The following CACNA2D3 variants were observed in gnomAD, a reference collection of about 807,000 sequenced individuals.
CACNA2D3 encodes voltage-dependent calcium channel subunit alpha-2/delta-3.
CACNA2D3 carries 60 observed loss-of-function variants against 160.6 expected under a neutral mutation model. The observed-to-expected ratio is 0.37, with a 90% CI of 0.30 to 0.46. The LOEUF is 0.46. CACNA2D3 is among the 20% of genes least tolerant of loss of function. The probability of loss-of-function intolerance (pLI) is 1.00; values close to 1 mark genes in which losing one functional copy is unlikely to be tolerated. For synonymous variants in CACNA2D3, 558 were observed against 492.9 expected, an observed-to-expected ratio of 1.13 and a Z score of -1.75; for missense variants, 1,205 against 1,365.0, an observed-to-expected ratio of 0.88 and a Z score of 1.85.
chr3:54,513,893 G>A (rs765500195), intron 5 of CACNA2D3, among the ~76,000 whole-genome samples: 8 of 152,024 alleles, frequency 5.3e-5, no homozygotes, highest in Admixed American at 1.3e-4. Context: ...GGCTGGCCTC[G>A]AACTCCTGAC....
intron 13 of CACNA2D3, among the ~76,000 whole-genome samples, chr3:54,767,219 G>A (rs1702241757): frequency 6.6e-6 from 1 of 152,038 alleles, no homozygotes; most frequent in Non-Finnish European, 1.5e-5. Flanking sequence ...AGAACAAAAT[G>A]AATCCAATAA....
intron 27 of CACNA2D3, among the ~76,000 whole-genome samples, chr3:54,937,315 G>T (rs1213178710): frequency 6.6e-6 from 1 of 152,160 alleles, no homozygotes; most frequent in African/African-American, 2.4e-5. Flanking sequence ...GGCCACTACA[G>T]TGTAGAAAGG....
intron 11 of CACNA2D3, among the ~76,000 whole-genome samples, chr3:54,717,552 TGTG>T (rs1479312751): frequency 2.7e-4 from 2 of 7,344 alleles, no homozygotes; most frequent in African/African-American, 5.7e-4. Context: ...GCATGTGTGG[TGTG>T]TGTGTGTGTG....
Position 54,650,655 on chromosome 3 carries a change from G to A in CACNA2D3, c.1167+8414G>A, listed in dbSNP as rs374829858. On this transcript the variant is annotated intron_variant, in intron 11 of 37. Transcript: ENST00000474759. ...GCTACAATTATAGGTGTGAACTACC[G>A]TGCCAGGCCTACTTTTTGTATTTTT... 1.6e-4 allele frequency among the ~76,000 whole-genome samples: 24 copies of A among 152,136 alleles called. No individual in the cohort carries two copies. The East Asian group carries it at 2.5e-3, about 16-fold the overall frequency.
intron 6 of CACNA2D3, among the ~76,000 whole-genome samples, chr3:54,567,012 T>G (rs2106714551): frequency 6.6e-6 from 1 of 152,238 alleles, no homozygotes; most frequent in South Asian, 2.1e-4. Context: ...GATATTAGGG[T>G]TTTCTTCCTT....
intron 13 of CACNA2D3, among the ~76,000 whole-genome samples, chr3:54,786,182 A>G (rs1702638172): frequency 1.3e-5 from 2 of 152,132 alleles, no homozygotes; most frequent in South Asian, 4.1e-4. Context: ...ATTATTACGT[A>G]TTGCTTGGGC....
At chr3:54,959,519 A>G (rs910729315) in intron 27 of CACNA2D3, among the ~76,000 whole-genome samples, 2 of 56,292 alleles carry the variant, frequency 3.6e-5, no homozygotes, top group Non-Finnish European at 9.4e-5. Flanking sequence ...TGGCTGTTCT[A>G]TTATTATTGG....
intron 2 of CACNA2D3, among the ~76,000 whole-genome samples, chr3:54,193,378 A>G (rs1355400209): frequency 2.0e-5 from 3 of 152,222 alleles, no homozygotes; most frequent in Non-Finnish European, 4.4e-5. Flanking sequence ...TGTTGTAGCC[A>G]GTTCTTTTTC....
chr3:54,811,492 T>A (rs1185508331), intron 13 of CACNA2D3, among the ~76,000 whole-genome samples: 7 of 124,998 alleles, frequency 5.6e-5, no homozygotes, highest in African/African-American at 9.8e-5. Context: ...TTTTTTTTTT[T>A]TTTTTTTTTT....
chr3:54,450,595 G>C (rs1014925650), intron 4 of CACNA2D3, among the ~76,000 whole-genome samples: 11 of 152,082 alleles, frequency 7.2e-5, no homozygotes, highest in African/African-American at 2.4e-4. Flanking sequence ...TCTGGTGAGT[G>C]CTGGTTGTTA....
Position 54,192,105 on chromosome 3 carries a change from C to CT in CACNA2D3, c.204+68526dup, listed in dbSNP as rs1168605044. On this transcript the variant is annotated intron_variant, in intron 2 of 37. Coordinates refer to ENST00000474759, the MANE Select transcript of CACNA2D3 (RefSeq NM_018398.3). ...TAATGAGGAAACCTGGGATGCAGTG[C>CT]TTTTTTTTTTTTTTTCTTTTTAATT... 4.3e-3 allele frequency among the ~76,000 whole-genome samples: 592 copies of CT among 138,838 alleles called. 4 individuals are homozygous for CT. The highest frequency in any genetic ancestry group is 0.011 in the Middle Eastern group (3 of 272). 91.1% of individuals were successfully genotyped at this position (138,838 alleles called of 152,430 possible).
chr3:55,066,615 C>T (rs1397224163), intron 35 of CACNA2D3, among the ~76,000 whole-genome samples: 3 of 152,128 alleles, frequency 2.0e-5, no homozygotes, highest in Admixed American at 6.5e-5. Context: ...TGTCTTGTCA[C>T]GGGAGGCTGT....
At chr3:54,662,254 G>C (rs923473717) in intron 11 of CACNA2D3, among the ~76,000 whole-genome samples, 9 of 152,088 alleles carry the variant, frequency 5.9e-5, no homozygotes, top group African/African-American at 2.2e-4. Context: ...TGAACACAAA[G>C]CATGTGCTTG....
In CACNA2D3 at chr3:54,249,558, T is replaced by TACACACACACACACACAC. The variant is rs149515122; in HGVS notation, c.205-70871_205-70854dup. ...CTTAGAATAAATGTCTCTGTTTACG[T>TACACACACACACACACAC]ACACACACACACACACACACACACA... On this transcript the variant is annotated intron_variant, in intron 2 of 37. Coordinates refer to ENST00000474759, the MANE Select transcript of CACNA2D3 (RefSeq NM_018398.3). Among the ~76,000 whole-genome samples, 145 of 123,874 alleles carry TACACACACACACACACAC rather than the reference T, an allele frequency of 1.2e-3. 3 individuals carry two copies. The highest frequency in any genetic ancestry group is 3.9e-3 in the South Asian group (14 of 3,620). 81.3% of individuals were successfully genotyped at this position (123,874 alleles called of 152,430 possible).
chr3:54,420,483 C>A (rs1201797322), intron 4 of CACNA2D3, among the ~76,000 whole-genome samples: 1 of 152,194 alleles, frequency 6.6e-6, no homozygotes, highest in Non-Finnish European at 1.5e-5. Context: ...GTCTCATATG[C>A]CCCAACTTCA....
At chr3:54,400,822 G>T (rs902182963) in intron 4 of CACNA2D3, among the ~76,000 whole-genome samples, 2 of 152,084 alleles carry the variant, frequency 1.3e-5, no homozygotes, top group Admixed American at 1.3e-4. Context: ...ATCAATGCAA[G>T]GAACAAGAAA....
intron 2 of CACNA2D3, among the ~76,000 whole-genome samples, chr3:54,172,206 G>A (rs922304574): frequency 1.3e-5 from 2 of 152,210 alleles, no homozygotes; most frequent in Admixed American, 1.3e-4. Flanking sequence ...TCCGTGGGCT[G>A]CCAGTGTAAA....
intron 2 of CACNA2D3, among the ~76,000 whole-genome samples, chr3:54,213,139 T>A (rs1426208533): frequency 6.6e-6 from 1 of 152,164 alleles, no homozygotes; most frequent in Non-Finnish European, 1.5e-5. Context: ...CTGGAGCTAA[T>A]GAATGCATCC....
chr3:54,792,970 A>G (rs1359639876), intron 13 of CACNA2D3, among the ~76,000 whole-genome samples: 1 of 152,234 alleles, frequency 6.6e-6, no homozygotes, highest in Admixed American at 6.5e-5. Context: ...TGTTTTCTAC[A>G]GACTCCTTTT....
Sources: allele counts gnomAD v4.1 joint callset (sites outside exome capture counted in the v4.1 genomes callset), GRCh38; gene constraint gnomAD v4.1.1; transcripts MANE v1.5; gene names NCBI Gene and HGNC (gene_info 2026-07-23, HGNC 2026-07-21).